Variants in TOX observed in about 807,000 individuals in gnomAD.
The protein encoded by TOX is thymocyte selection associated high mobility group box, also known as thymocyte selection-associated high mobility group box protein TOX.
In TOX, 11 loss-of-function variants were observed where a neutral mutation model predicts 53.7. The observed-to-expected ratio is 0.20, with a 90% CI of 0.13 to 0.34. The LOEUF (loss-of-function observed/expected upper bound fraction) is 0.34. Among genes scored for constraint, TOX ranks in the 10% least tolerant of loss-of-function variants. The pLI is 1.00. For missense variants in TOX, 570 were observed against 664.6 expected, an observed-to-expected ratio of 0.86 and a Z score of 1.56; for synonymous variants, 225 against 245.3, an observed-to-expected ratio of 0.92 and a Z score of 0.77.
In TOX at chr8:59,076,340, A is replaced by G. The variant is rs115427020; in HGVS notation, c.102+42546T>C. Among the ~76,000 whole-genome samples the G allele has an allele frequency of 5.4e-3, 829 of 152,340 alleles. 17 individuals are homozygous for G. Among genetic ancestry groups the G allele is most frequent in the African/African-American group, 0.019 (791 of 41,582 alleles). ...CCAGAGATACAAGGAGCTTCTCACT[A>G]TTGGAAAAACCAAATGAGGAGATGT... On this transcript the variant is annotated intron_variant, in intron 1 of 8. Transcript: ENST00000361421.
At chr8:59,009,380 C>G (rs1412770655) in intron 1 of TOX, among the ~76,000 whole-genome samples, 1 of 149,550 alleles carries the variant, frequency 6.7e-6, no homozygotes, top group African/African-American at 2.5e-5. Flanking sequence ...CTCTTTCTTT[C>G]TTTCTTTTTT....
chr8:59,094,513 A>C (rs2014380), intron 1 of TOX, among the ~76,000 whole-genome samples: 55 of 151,830 alleles, frequency 3.6e-4, no homozygotes, highest in African/African-American at 1.2e-3. Flanking sequence ...TGGCACACGC[A>C]TATAGGTATT....
intron 1 of TOX, among the ~76,000 whole-genome samples, chr8:59,100,246 A>G (rs1804784113): frequency 6.6e-6 from 1 of 152,214 alleles, no homozygotes; most frequent in Non-Finnish European, 1.5e-5. Flanking sequence ...TAAATATCCA[A>G]CATTCTAAAA....
intron 1 of TOX, among the ~76,000 whole-genome samples, chr8:59,056,490 T>C (rs1585991912): frequency 6.8e-6 from 1 of 147,612 alleles, no homozygotes; most frequent in Non-Finnish European, 1.5e-5. Flanking sequence ...AGAATTATAC[T>C]GATACCACTA....
rs555307274 is a variant in TOX, at chr8:59,093,224, T to C, written c.102+25662A>G. ...TGCTTCCAGTTCCAGCTTCATCACTTACTGGTTGTGAGTTCTTTGTTATGC... is the reference window on the plus strand; with the variant it reads ...TGCTTCCAGTTCCAGCTTCATCACTCACTGGTTGTGAGTTCTTTGTTATGC... On this transcript the variant is annotated intron_variant, in intron 1 of 8. Coordinates refer to ENST00000361421, the MANE Select transcript of TOX (RefSeq NM_014729.3). 4.6e-5 allele frequency among the ~76,000 whole-genome samples: 7 copies of C among 152,352 alleles called. No individual in the cohort carries two copies. The South Asian group carries it at 6.2e-4, about 14-fold the overall frequency.
chr8:58,845,856 C>T (rs1451547322), intron 4 of TOX, among the ~76,000 whole-genome samples: 1 of 151,946 alleles, frequency 6.6e-6, no homozygotes, highest in East Asian at 1.9e-4. Context: ...TTTTATACAC[C>T]TACTGGTTAA....
At chr8:59,115,676 G>A (rs1805088080) in intron 1 of TOX, among the ~76,000 whole-genome samples, 1 of 152,140 alleles carries the variant, frequency 6.6e-6, no homozygotes, top group South Asian at 2.1e-4. Context: ...CAGCCTCCAT[G>A]TGTCTGTCCA....
At chr8:58,872,930 T>G (rs368861245) in intron 3 of TOX, among the ~76,000 whole-genome samples, 6 of 152,162 alleles carry the variant, frequency 3.9e-5, no homozygotes, top group African/African-American at 1.2e-4. Flanking sequence ...TAATGTAAGA[T>G]GTTAAAAATA....
Position 59,045,508 on chromosome 8 carries a change from G to A in TOX, c.102+73378C>T, listed in dbSNP as rs567145238. On this transcript the variant is annotated intron_variant, in intron 1 of 8. Coordinates refer to ENST00000361421, the MANE Select transcript of TOX (RefSeq NM_014729.3). ...ATAGCCAGGATTCTATTTCCTTCCCGTGGTTGTTATTTGAATAATGGTACA... is the reference window on the plus strand; with the variant it reads ...ATAGCCAGGATTCTATTTCCTTCCCATGGTTGTTATTTGAATAATGGTACA... Among the ~76,000 whole-genome samples, 7 of 152,240 alleles carry A rather than the reference G, an allele frequency of 4.6e-5. No individual in the cohort carries two copies. In the East Asian group the frequency reaches 5.8e-4, roughly 13 times the overall value.
intron 1 of TOX, among the ~76,000 whole-genome samples, chr8:59,094,970 A>G (rs984593350): frequency 6.6e-6 from 1 of 152,230 alleles, no homozygotes; most frequent in African/African-American, 2.4e-5. Flanking sequence ...AAAAATAATG[A>G]TATAAAAACG....
chr8:59,040,140 T>C (rs1354844391), intron 1 of TOX, among the ~76,000 whole-genome samples: 9 of 151,516 alleles, frequency 5.9e-5, no homozygotes, highest in Non-Finnish European at 1.3e-4. Flanking sequence ...CCATCCCGGG[T>C]AAAACGGTGA....
intron 6 of TOX, among the ~76,000 whole-genome samples, chr8:58,819,702 C>T (rs1272595106): frequency 6.6e-6 from 1 of 152,040 alleles, no homozygotes; most frequent in East Asian, 1.9e-4. Context: ...TATAAATTTC[C>T]CCATTCTGGG....
chr8:58,898,140 C>G (rs1811681825), intron 3 of TOX, among the ~76,000 whole-genome samples: 1 of 152,088 alleles, frequency 6.6e-6, no homozygotes, highest in Non-Finnish European at 1.5e-5. Context: ...ATGCAAATAT[C>G]AGAAAGAGTT....
At chr8:58,974,256 C>T (rs1813053809) in intron 1 of TOX, among the ~76,000 whole-genome samples, 1 of 152,126 alleles carries the variant, frequency 6.6e-6, no homozygotes, top group African/African-American at 2.4e-5. Context: ...CTACACTGCC[C>T]AGACCCTGTA....
At chr8:58,913,505 C>T (rs577031892) in intron 3 of TOX, among the ~76,000 whole-genome samples, 1 of 152,278 alleles carries the variant, frequency 6.6e-6, no homozygotes, top group African/African-American at 2.4e-5. Flanking sequence ...AGAATGTGCT[C>T]TTGATGAATG....
chr8:58,941,946 G>A (rs1190474801), intron 2 of TOX, among the ~76,000 whole-genome samples: 3 of 151,666 alleles, frequency 2.0e-5, no homozygotes, highest in Admixed American at 1.3e-4. Context: ...CCAGCTACTC[G>A]GGAGGCTGAG....
intron 2 of TOX, among the ~76,000 whole-genome samples, chr8:58,957,581 T>C (rs960853297): frequency 6.6e-6 from 1 of 152,232 alleles, no homozygotes. Flanking sequence ...ATTGGCTTTC[T>C]ATAAAAATCA....
At chr8:58,925,134 G>T (rs1436053333) in intron 3 of TOX, among the ~76,000 whole-genome samples, 1 of 152,114 alleles carries the variant, frequency 6.6e-6, no homozygotes, top group Admixed American at 6.5e-5. Context: ...GAACTTATGG[G>T]TTTAACCCAA....
At chr8:59,021,494 ATATATG>A (rs1416275224) in intron 1 of TOX, among the ~76,000 whole-genome samples, 2 of 124,886 alleles carry the variant, frequency 1.6e-5, no homozygotes, top group Non-Finnish European at 1.7e-5. Context: ...ATATATATAT[ATATATG>A]CACATATATA....
Sources: allele counts gnomAD v4.1 joint callset (sites outside exome capture counted in the v4.1 genomes callset), GRCh38; gene constraint gnomAD v4.1.1; transcripts MANE v1.5; gene names NCBI Gene and HGNC (gene_info 2026-07-23, HGNC 2026-07-21).